The following ITGA4 variants were observed in gnomAD, a reference collection of about 807,000 sequenced individuals.
The protein encoded by ITGA4 is integrin subunit alpha 4.
In ITGA4, 63 loss-of-function variants were observed where a neutral mutation model predicts 133.6. The observed-to-expected ratio is 0.47, with a 90% CI of 0.38 to 0.58. The LOEUF is 0.58. Ranked by LOEUF, ITGA4 falls within the 20% of genes least tolerant of loss-of-function variation. The pLI, the probability that ITGA4 is intolerant of heterozygous loss-of-function variation, is 0.00. For missense variants in ITGA4, 1,076 were observed against 1,252.7 expected, an observed-to-expected ratio of 0.86 and a Z score of 2.13; for synonymous variants, 483 against 438.0, an observed-to-expected ratio of 1.10 and a Z score of -1.28.
rs1469528892 is a variant in ITGA4, at chr2:181,536,353, A to ACAAAAGATTGTGAGTGTTG, written c.*829_*847dup. Among the ~76,000 whole-genome samples the ACAAAAGATTGTGAGTGTTG allele has an allele frequency of 5.9e-5, 9 of 151,416 alleles. No individual in the cohort carries two copies. Among genetic ancestry groups the ACAAAAGATTGTGAGTGTTG allele is most frequent in the African/African-American group, 2.2e-4 (9 of 41,478 alleles). ...TTCAAATCTTTTGTTATATTCTGAAACAAAAGATTGTGAGTGTTGCACTTT... is the reference window on the plus strand; with the variant it reads ...TTCAAATCTTTTGTTATATTCTGAAACAAAAGATTGTGAGTGTTGCAAAAGATTGTGAGTGTTGCACTTT... On this transcript the variant is annotated 3_prime_UTR_variant, in exon 28 of 28. Transcript: ENST00000397033.
intron 11 of ITGA4, 31 bp downstream of exon 11, chr2:181,493,450 A>G (rs752416836): frequency 1.5e-6 from 2 of 1,323,138 alleles, no homozygotes; most frequent in South Asian, 1.2e-5. Context: ...CAAAAGAAGC[A>G]TTGGTTATAA....
At chr2:181,460,579 G>A (rs977034703) in intron 2 of ITGA4, among the ~76,000 whole-genome samples, 27 of 151,644 alleles carry the variant, frequency 1.8e-4, no homozygotes, top group Non-Finnish European at 3.1e-4. Flanking sequence ...GTGTGTGTGT[G>A]TGTGTGTGTG....
In ITGA4 at chr2:181,537,817, C is replaced by CTAATTGTTAGTAACATCA; in HGVS notation, c.*2291_*2308dup. On this transcript the variant is annotated 3_prime_UTR_variant, in exon 28 of 28. Coordinates refer to ENST00000397033, the MANE Select transcript of ITGA4 (RefSeq NM_000885.6). ...ATCTTGACTTTTAAAGCCCTAGAGGCTAATTGTTAGTAACATCAATTTCTA... is the reference window on the plus strand; with the variant it reads ...ATCTTGACTTTTAAAGCCCTAGAGGCTAATTGTTAGTAACATCATAATTGTTAGTAACATCAATTTCTA... 2.1e-6 allele frequency: 1 copy of CTAATTGTTAGTAACATCA among 475,242 alleles called. No individual in the cohort carries two copies. Among genetic ancestry groups the CTAATTGTTAGTAACATCA allele is most frequent in the East Asian group, 6.3e-5 (1 of 15,932 alleles). The allele number at this position is 475,242 out of a possible 1,614,324, so 29.4% of individuals were successfully genotyped here. A position where few individuals can be genotyped will look rare whatever the true frequency, so the allele number is the denominator to read the frequency against.
intron 4 of ITGA4, among the ~76,000 whole-genome samples, chr2:181,478,076 A>G (rs1189469756): frequency 6.6e-6 from 1 of 152,124 alleles, no homozygotes; most frequent in African/African-American, 2.4e-5. Flanking sequence ...TTGTGACAAC[A>G]TGGATGACCC....
At chr2:181,475,920 T>C in intron 4 of ITGA4, 2 of 1,522,052 alleles carry the variant, frequency 1.3e-6, no homozygotes, top group African/African-American at 1.4e-5. Flanking sequence ...AAAACTAAAA[T>C]CCAACAATGC....
chr2:181,473,026 C>G (rs1389246714), intron 2 of ITGA4, among the ~76,000 whole-genome samples: 2 of 152,240 alleles, frequency 1.3e-5, no homozygotes. Flanking sequence ...CTCCAGGAAG[C>G]CATTACCAGT....
chr2:181,477,449 G>T (rs155092), intron 4 of ITGA4, among the ~76,000 whole-genome samples: 1 of 151,922 alleles, frequency 6.6e-6, no homozygotes, highest in Non-Finnish European at 1.5e-5. Context: ...AATAATATTC[G>T]CATAAGTCCT....
intron 10 of ITGA4, 23 bp from the exon 11 acceptor site, chr2:181,493,302 C>T: frequency 6.6e-7 from 1 of 1,512,562 alleles, no homozygotes; most frequent in Non-Finnish European, 9.1e-7. Flanking sequence ...ATTTATTTTT[C>T]CATTGTTTAA....
At chr2:181,471,002 T>C (rs1034017203) in intron 2 of ITGA4, among the ~76,000 whole-genome samples, 2 of 152,194 alleles carry the variant, frequency 1.3e-5, no homozygotes, top group African/African-American at 4.8e-5. Context: ...CTCAATATTA[T>C]TGCTGTTGGG....
rs369458879 is a variant in ITGA4 at position 181,467,043 on chromosome 2, T to C, written c.320-7917T>C. 9.8e-4 allele frequency among the ~76,000 whole-genome samples: 149 copies of C among 152,308 alleles called. 1 individual carries two copies. The highest frequency in any genetic ancestry group is 9.7e-3 in the South Asian group (47 of 4,830). The stretch of plus-strand genomic sequence containing the variant: ...ATATATTTTTCCTAATCTGAAGTTA[T>C]GTGAGTGAAGGGATTATATACTTTA... On this transcript the variant is annotated intron_variant, in intron 2 of 27. Transcript: ENST00000397033.
chr2:181,516,762 C>T lies in ITGA4; in HGVS notation c.1922+4987C>T, dbSNP rs1021534339. On this transcript the variant is annotated intron_variant, in intron 17 of 27. Transcript: ENST00000397033. This position sits in a 1 kb window ranked among gnomAD's most constrained non-coding sequence, Gnocchi z 4.0. ...TGCCTGTCACCTGAATAATCTAGGG[C>T]TCTGTTGGCAGCTAAGAAGGGAAAT... is the stretch of plus-strand genomic sequence containing the variant. Among the ~76,000 whole-genome samples, 2 of 151,978 alleles carry T rather than the reference C, an allele frequency of 1.3e-5. No homozygotes were observed. The highest frequency in any genetic ancestry group is 2.4e-5 in the African/African-American group (1 of 41,380).
chr2:181,513,759 T>G (rs1384201105), intron 17 of ITGA4, among the ~76,000 whole-genome samples: 6 of 152,148 alleles, frequency 3.9e-5, no homozygotes, highest in Non-Finnish European at 1.5e-5. Flanking sequence ...AACCTCTGTA[T>G]CTTCTCACTT....
intron 12 of ITGA4, 29 bp downstream of exon 12, chr2:181,494,841 A>G (rs749303580): frequency 8.7e-7 from 1 of 1,150,360 alleles, no homozygotes; most frequent in East Asian, 2.3e-5. Flanking sequence ...ATAATTTATA[A>G]ATTGGAATAA....
chr2:181,462,286 C>T (rs537220724), intron 2 of ITGA4, among the ~76,000 whole-genome samples: 15 of 152,268 alleles, frequency 9.9e-5, no homozygotes, highest in Non-Finnish European at 2.1e-4. Flanking sequence ...AAAGACCCAT[C>T]TCAAGTTAGT....
At chr2:181,463,150 G>A (rs375156085) in intron 2 of ITGA4, among the ~76,000 whole-genome samples, 12 of 152,300 alleles carry the variant, frequency 7.9e-5, no homozygotes, top group African/African-American at 2.6e-4. Context: ...CAAACTGTGT[G>A]TATAAAGACC....
At chr2:181,498,453 T>C in intron 14 of ITGA4, 170 bp from the exon 15 acceptor site, 1 of 387,054 alleles carries the variant, frequency 2.6e-6, no homozygotes, top group Non-Finnish European at 4.6e-6. Flanking sequence ...TTTGTATTTT[T>C]AATTGTTCCC....
At chr2:181,526,563 G>T (rs1686833289) in intron 21 of ITGA4, among the ~76,000 whole-genome samples, 1 of 152,160 alleles carries the variant, frequency 6.6e-6, no homozygotes, top group East Asian at 1.9e-4. Context: ...CCCAGATTTG[G>T]GGTTCATTAT....
At chr2:181,513,252 C>T (rs930425885) in intron 17 of ITGA4, among the ~76,000 whole-genome samples, 6 of 152,078 alleles carry the variant, frequency 3.9e-5, no homozygotes, top group African/African-American at 1.2e-4. Flanking sequence ...CTGCTGATGC[C>T]TAAACCAGTG....
chr2:181,513,139 G>T (rs966949178), intron 17 of ITGA4, among the ~76,000 whole-genome samples: 1 of 151,716 alleles, frequency 6.6e-6, no homozygotes, highest in Non-Finnish European at 1.5e-5. Flanking sequence ...ATGGATCTTT[G>T]GGTTTGGCAC....
Sources: allele counts gnomAD v4.1 joint callset (sites outside exome capture counted in the v4.1 genomes callset), GRCh38; gene constraint gnomAD v4.1.1; non-coding constraint Gnocchi (gnomAD v3.1); transcripts MANE v1.5; gene names NCBI Gene and HGNC (gene_info 2026-07-23, HGNC 2026-07-21).